MECOM: variants seen among roughly 807,000 people sequenced by gnomAD.
MECOM encodes the protein histone-lysine N-methyltransferase MECOM.
A neutral mutation model predicts 116.3 loss-of-function variants in MECOM; 13 were observed. That is an observed-to-expected ratio of 0.11 (90% confidence interval 0.07 to 0.18). The LOEUF (loss-of-function observed/expected upper bound fraction) is 0.18. MECOM is among the 10% of genes least tolerant of loss of function. The pLI, the probability that MECOM is intolerant of heterozygous loss-of-function variation, is 1.00. For synonymous variants in MECOM, 528 were observed against 535.2 expected (o/e 0.99, Z 0.19); for missense variants, 1,299 against 1,509.0 (o/e 0.86, Z 2.31).
intron 2 of MECOM, among the ~76,000 whole-genome samples, chr3:169,157,814 G>A (rs1431427909): frequency 6.6e-6 from 1 of 152,134 alleles, no homozygotes; most frequent in Admixed American, 6.6e-5. Flanking sequence ...TAGAAGGGGG[G>A]GATGCCAGAA....
At chr3:169,658,448 GTGTGTGGGTGTGCACACGCA>G (rs1283321511) in intron 1 of MECOM, among the ~76,000 whole-genome samples, 1 of 152,220 alleles carries the variant, frequency 6.6e-6, no homozygotes, top group East Asian at 1.9e-4. Flanking sequence ...AAGCCAAGAC[GTGTGTGGGTGTGCACACGCA>G]TGTGTGGGTG....
intron 1 of MECOM, among the ~76,000 whole-genome samples, chr3:169,483,312 T>C (rs976667795): frequency 3.3e-5 from 5 of 151,316 alleles, no homozygotes; most frequent in Non-Finnish European, 7.4e-5. Context: ...GAAGCCCACT[T>C]GTATCCCTGA....
intron 2 of MECOM, among the ~76,000 whole-genome samples, chr3:169,159,352 G>C (rs1022847127): frequency 2.0e-5 from 3 of 152,150 alleles, no homozygotes; most frequent in African/African-American, 7.2e-5. Context: ...GAGGTCAGGA[G>C]TTTGAGACGA....
chr3:169,214,755 T>C (rs1215139051), intron 2 of MECOM, among the ~76,000 whole-genome samples: 1 of 150,218 alleles, frequency 6.7e-6, no homozygotes, highest in Non-Finnish European at 1.5e-5. Context: ...TTTTCTACCA[T>C]TAACATAAAT....
At chr3:169,169,096 C>A (rs528153979) in intron 2 of MECOM, among the ~76,000 whole-genome samples, 1 of 152,172 alleles carries the variant, frequency 6.6e-6, no homozygotes, top group South Asian at 2.1e-4. Flanking sequence ...CTTCATCTAG[C>A]ACTAGTTCAC....
At chr3:169,429,537 C>T (rs1220842651) in intron 1 of MECOM, among the ~76,000 whole-genome samples, 2 of 152,126 alleles carry the variant, frequency 1.3e-5, no homozygotes, top group Non-Finnish European at 2.9e-5. Context: ...CTGAATGTTG[C>T]ATGGATGAGT....
At chr3:169,443,502 G>A (rs147884607) in intron 1 of MECOM, among the ~76,000 whole-genome samples, 118 of 152,236 alleles carry the variant, frequency 7.8e-4, no homozygotes, top group Non-Finnish European at 1.4e-3. Context: ...ACAGTGTTAA[G>A]AAGCAGGGAA....
At chr3:169,160,958 C>T (rs567334212) in intron 2 of MECOM, among the ~76,000 whole-genome samples, 7 of 152,172 alleles carry the variant, frequency 4.6e-5, no homozygotes, top group South Asian at 2.1e-4. Context: ...CCTCAGTAGA[C>T]GCTGTTCAAT....
chr3:169,461,066 T>C (rs1357408214), intron 1 of MECOM, among the ~76,000 whole-genome samples: 2 of 152,126 alleles, frequency 1.3e-5, no homozygotes, highest in African/African-American at 2.4e-5. Flanking sequence ...ATGTTTTCTT[T>C]TTTTTTCTAA....
chr3:169,292,236 G>A (rs547633667), intron 2 of MECOM, among the ~76,000 whole-genome samples: 3 of 152,084 alleles, frequency 2.0e-5, no homozygotes, highest in Non-Finnish European at 2.9e-5. Flanking sequence ...CCAGCTACTC[G>A]GGCCAGAGAA....
chr3:169,447,554 C>T (rs1265480424), intron 1 of MECOM, among the ~76,000 whole-genome samples: 3 of 152,164 alleles, frequency 2.0e-5, no homozygotes, highest in African/African-American at 7.2e-5. Context: ...TACTGTGTTC[C>T]AGGTACCATG....
At chr3:169,572,926 T>C (rs1426131158) in intron 1 of MECOM, among the ~76,000 whole-genome samples, 1 of 151,948 alleles carries the variant, frequency 6.6e-6, no homozygotes, top group African/African-American at 2.4e-5. Flanking sequence ...GTGTATACCT[T>C]TGTAACAAAC....
intron 2 of MECOM, among the ~76,000 whole-genome samples, chr3:169,214,711 A>G (rs1751204849): frequency 6.6e-6 from 1 of 151,124 alleles, no homozygotes; most frequent in African/African-American, 2.4e-5. Context: ...TAAGGGTGCC[A>G]ACAAACTGAT....
Position 169,146,881 on chromosome 3 carries a change from A to AT in MECOM, c.376-3050dup. On this transcript the variant is annotated intron_variant, in intron 2 of 16. Coordinates refer to ENST00000651503, the MANE Select transcript of MECOM (RefSeq NM_004991.4). Reference sequence around the variant, plus strand: ...GAGATGTTTAAAAATAATAATAATAATTTTTTAAAAGCCTCGCGTCTCGAT... The same window carrying AT: ...GAGATGTTTAAAAATAATAATAATAATTTTTTTAAAAGCCTCGCGTCTCGAT... 4.9e-6 allele frequency: 5 copies of AT among 1,025,198 alleles called. No individual in the cohort carries two copies. In the South Asian group the frequency reaches 1.5e-4, roughly 30 times the overall value. 63.5% of individuals were successfully genotyped at this position (1,025,198 alleles called of 1,614,324 possible).
intron 1 of MECOM, among the ~76,000 whole-genome samples, chr3:169,464,820 T>C (rs898885916): frequency 2.0e-5 from 3 of 152,152 alleles, no homozygotes; most frequent in Non-Finnish European, 4.4e-5. Flanking sequence ...TTTGTCTTTG[T>C]TGAGAATACA....
At chr3:169,501,564 G>A (rs559800851) in intron 1 of MECOM, among the ~76,000 whole-genome samples, 1 of 152,088 alleles carries the variant, frequency 6.6e-6, no homozygotes, top group South Asian at 2.1e-4. Flanking sequence ...ATGTTTACAT[G>A]CCATTTCTAC....
At chr3:169,473,899 TATAG>T (rs3042766) in intron 1 of MECOM, among the ~76,000 whole-genome samples, 348 of 152,008 alleles carry the variant, frequency 2.3e-3, no homozygotes, top group African/African-American at 7.2e-3. Context: ...TCATTATATC[TATAG>T]ATAGATAGAT....
At chr3:169,613,484 C>T (rs896011141) in intron 1 of MECOM, 16 of 152,202 alleles carry the variant, frequency 1.1e-4, no homozygotes, top group Non-Finnish European at 1.9e-4. Flanking sequence ...GCTCCTGCTG[C>T]ATACAAGAAT....
chr3:169,483,244 A>G (rs1751643039), intron 1 of MECOM, among the ~76,000 whole-genome samples: 1 of 142,510 alleles, frequency 7.0e-6, no homozygotes, highest in Non-Finnish European at 1.5e-5. Context: ...TTTTATTGAC[A>G]GTCATTTTCC....
Sources: gnomAD v4.1 joint callset for allele counts (sites outside exome capture counted in the v4.1 genomes callset) on GRCh38, gnomAD v4.1.1 for gene constraint, MANE v1.5 for transcripts, NCBI Gene and HGNC (gene_info 2026-07-23, HGNC 2026-07-21) for gene names.